The following ERC2 variants were observed in gnomAD, a reference collection of about 807,000 sequenced individuals.
The protein encoded by ERC2 is ERC protein 2.
In ERC2, 42 loss-of-function variants were observed where a neutral mutation model predicts 114.8. The ratio of observed to expected loss-of-function variants is 0.37; its 90% CI spans 0.29 to 0.47. The LOEUF is 0.47. ERC2 is among the 20% of genes least tolerant of loss of function. ERC2 has a pLI of 0.99. For synonymous variants in ERC2, 454 were observed against 425.5 expected (o/e 1.07, Z -0.82); for missense variants, 939 against 1,150.7 (o/e 0.82, Z 2.66).
At chr3:55,526,972 C>T (rs2053361735) in intron 17 of ERC2, among the ~76,000 whole-genome samples, 1 of 152,244 alleles carries the variant, frequency 6.6e-6, no homozygotes, top group African/African-American at 2.4e-5. Context: ...CGTGTCTCCA[C>T]ACCTCCTTTG....
At chr3:56,200,204 A>G (rs942561621) in intron 3 of ERC2, among the ~76,000 whole-genome samples, 2 of 152,004 alleles carry the variant, frequency 1.3e-5, no homozygotes, top group Non-Finnish European at 2.9e-5. Flanking sequence ...CCATTACTGC[A>G]TTACTCTTCC....
intron 14 of ERC2, among the ~76,000 whole-genome samples, chr3:55,805,147 C>G (rs927426036): frequency 2.6e-5 from 4 of 152,018 alleles, no homozygotes; most frequent in African/African-American, 9.7e-5. Flanking sequence ...CTAGACACGA[C>G]ATACATGAGA....
chr3:55,597,163 G>A (rs998702961), intron 17 of ERC2, among the ~76,000 whole-genome samples: 1 of 152,326 alleles, frequency 6.6e-6, no homozygotes, highest in Non-Finnish European at 1.5e-5. Context: ...GCTCACGCCT[G>A]TAATCCCAGC....
At chr3:55,557,976 G>C (rs568481472) in intron 17 of ERC2, among the ~76,000 whole-genome samples, 1 of 152,184 alleles carries the variant, frequency 6.6e-6, no homozygotes, top group Admixed American at 6.5e-5. Context: ...TGAAATTCTG[G>C]CTCCAGTGCT....
At chr3:56,269,689 C>A (rs150475706) in intron 3 of ERC2, among the ~76,000 whole-genome samples, 84 of 152,244 alleles carry the variant, frequency 5.5e-4, no homozygotes, top group African/African-American at 1.9e-3. Flanking sequence ...AGGCACCCAC[C>A]CCTTCACAGG....
At chr3:56,370,419 AG>A (rs894130754) in intron 2 of ERC2, among the ~76,000 whole-genome samples, 6 of 152,128 alleles carry the variant, frequency 3.9e-5, no homozygotes, top group African/African-American at 1.4e-4. Flanking sequence ...ACTGGGATCA[AG>A]GAAGTAGGAA....
intron 14 of ERC2, among the ~76,000 whole-genome samples, chr3:55,763,947 G>A (rs183928339): frequency 7.2e-4 from 109 of 152,214 alleles, no homozygotes; most frequent in African/African-American, 1.5e-3. Flanking sequence ...TTCTCACGAC[G>A]TATTTTTATG....
At chr3:55,536,541 G>A (rs907116980) in intron 17 of ERC2, among the ~76,000 whole-genome samples, 2 of 152,202 alleles carry the variant, frequency 1.3e-5, no homozygotes, top group African/African-American at 4.8e-5. Context: ...TGCAGGGCCT[G>A]GAGTAAGGTC....
chr3:56,092,865 C>T (rs1404675694), intron 6 of ERC2, among the ~76,000 whole-genome samples: 2 of 152,060 alleles, frequency 1.3e-5, no homozygotes, highest in African/African-American at 4.8e-5. Flanking sequence ...AATGTAAGCA[C>T]GAAATTGTGT....
At chr3:56,206,653 G>A (rs1473173453) in intron 3 of ERC2, among the ~76,000 whole-genome samples, 2 of 152,140 alleles carry the variant, frequency 1.3e-5, no homozygotes, top group Non-Finnish European at 2.9e-5. Flanking sequence ...AAAAATACTT[G>A]TAGCACATAT....
At chr3:55,815,318 T>C (rs969013962) in intron 14 of ERC2, among the ~76,000 whole-genome samples, 1 of 152,218 alleles carries the variant, frequency 6.6e-6, no homozygotes, top group African/African-American at 2.4e-5. Flanking sequence ...AAAGGGACTT[T>C]GCAAACATAA....
chr3:55,549,414 C>A (rs143082877), intron 17 of ERC2, among the ~76,000 whole-genome samples: 14 of 152,006 alleles, frequency 9.2e-5, no homozygotes, highest in Middle Eastern at 3.4e-3. Context: ...TCCCAGGCAG[C>A]TCTCCGAACA....
At chr3:55,852,395 G>A (rs1488560002) in intron 14 of ERC2, 1 of 154,738 alleles carries the variant, frequency 6.5e-6, no homozygotes, top group Non-Finnish European at 1.5e-5. Context: ...ATGGCCCAGA[G>A]GGATAATCAG....
chr3:56,277,268 T>C (rs533072622), intron 3 of ERC2, among the ~76,000 whole-genome samples: 13 of 152,250 alleles, frequency 8.5e-5, no homozygotes, highest in African/African-American at 3.1e-4. Flanking sequence ...TAAACAGAGA[T>C]ATGCCCTAAT....
intron 14 of ERC2, among the ~76,000 whole-genome samples, chr3:55,783,236 C>T (rs1454788170): frequency 6.6e-6 from 1 of 152,202 alleles, no homozygotes; most frequent in Non-Finnish European, 1.5e-5. Context: ...GGTGCATGGG[C>T]TCGGCAGGCT....
intron 17 of ERC2, among the ~76,000 whole-genome samples, 187 bp downstream of exon 17, chr3:55,683,607 G>A (rs2062168155): frequency 6.6e-6 from 1 of 152,134 alleles, no homozygotes. Context: ...TGTGGGGTGG[G>A]GAGGTGAGGT....
Position 56,434,694 on chromosome 3 carries a change from G to A in ERC2, c.314C>T (p.Ala105Val), listed in dbSNP as rs780786113. The change falls in exon 2 of 18, where the codon GCT (alanine) becomes GTT (valine). Residue 105 changes from alanine to valine, a missense_variant. Physicochemically the swap from Ala to Val is moderately conservative, Grantham distance 64. Around this residue, in one of 5 missense-constraint regions of ERC2, gnomAD observed 281 missense variants for 307.4 expected, o/e 0.91. Coordinates refer to ENST00000288221, the MANE Select transcript of ERC2 (RefSeq NM_015576.3). ...VTAMGSSPNI[A>V]SAGLSHTDVL... ...ATCTGTGTGGGAAAGTCCAGCAGAAGCAATATTGGGACTACTCCCCATGGC... is the reference window on the plus strand; with the variant it reads ...ATCTGTGTGGGAAAGTCCAGCAGAAACAATATTGGGACTACTCCCCATGGC... The A allele has an allele frequency of 6.2e-7, 1 of 1,614,012 alleles. No individual in the cohort carries two copies. The highest frequency in any genetic ancestry group is 1.1e-5 in the South Asian group (1 of 91,088).
chr3:55,883,919 CAA>C (rs781299855), intron 14 of ERC2, among the ~76,000 whole-genome samples: 11,240 of 151,922 alleles, frequency 0.074, 494 homozygotes, highest in South Asian at 0.15. Context: ...ACAACAACAA[CAA>C]CAACAACACC....
chr3:55,750,839 G>A (rs2066655143), intron 14 of ERC2, among the ~76,000 whole-genome samples: 1 of 152,202 alleles, frequency 6.6e-6, no homozygotes, highest in African/African-American at 2.4e-5. Context: ...ATGCACACAT[G>A]AGGATGTAGG....
Sources: gnomAD v4.1 joint callset for allele counts (sites outside exome capture counted in the v4.1 genomes callset) on GRCh38, gnomAD v4.1.1 for gene constraint, gnomAD v4.1.1 regional missense constraint, MANE v1.5 for transcripts, NCBI Gene and HGNC (gene_info 2026-07-23, HGNC 2026-07-21) for gene names.